The following ATP9B variants were observed in gnomAD, a reference collection of about 807,000 sequenced individuals.
The protein encoded by ATP9B is ATPase phospholipid transporting 9B.
In ATP9B, 110 loss-of-function variants were observed where a neutral mutation model predicts 146.1. The observed-to-expected ratio is 0.75, with a 90% CI of 0.65 to 0.88. The LOEUF is 0.88. Among genes scored for constraint, ATP9B ranks in the 40% least tolerant of loss-of-function variants. The pLI is 0.00. For missense variants in ATP9B, 1,499 were observed against 1,496.4 expected, an observed-to-expected ratio of 1.00 and a Z score of -0.03; for synonymous variants, 604 against 569.7, an observed-to-expected ratio of 1.06 and a Z score of -0.86.
intron 11 of ATP9B, among the ~76,000 whole-genome samples, chr18:79,227,582 C>T (rs1488459945): frequency 6.6e-6 from 1 of 152,180 alleles, no homozygotes. Context: ...CACATTGTAA[C>T]TCCTTCCCTG....
At chr18:79,116,958 A>T (rs1244221782) in intron 4 of ATP9B, among the ~76,000 whole-genome samples, 32 of 90,680 alleles carry the variant, frequency 3.5e-4, no homozygotes, top group South Asian at 1.6e-3. Flanking sequence ...AAAAAAAAAG[A>T]AATAATGATT....
At chr18:79,228,994 A>G (rs565867395) in intron 11 of ATP9B, among the ~76,000 whole-genome samples, 44 of 152,274 alleles carry the variant, frequency 2.9e-4, no homozygotes, top group African/African-American at 1.1e-3. Context: ...TTGTGCCACT[A>G]CACTCCAGCC....
intron 12 of ATP9B, among the ~76,000 whole-genome samples, chr18:79,261,297 C>G (rs2096138781): frequency 6.6e-6 from 1 of 152,006 alleles, no homozygotes. Context: ...GTGAGTGGGA[C>G]CTTACTTGAG....
chr18:79,347,391 T>C (rs2096895684), intron 23 of ATP9B, among the ~76,000 whole-genome samples: 1 of 152,156 alleles, frequency 6.6e-6, no homozygotes, highest in Admixed American at 6.5e-5. Flanking sequence ...ATTATAGGGG[T>C]GTCCTCCCAC....
intron 1 of ATP9B, among the ~76,000 whole-genome samples, chr18:79,084,047 C>T (rs1192326743): frequency 1.3e-5 from 2 of 151,800 alleles, no homozygotes; most frequent in African/African-American, 4.8e-5. Flanking sequence ...TTAGTAGAGA[C>T]AGGGTTTCAC....
intron 7 of ATP9B, among the ~76,000 whole-genome samples, chr18:79,160,112 T>G (rs1376060919): frequency 1.3e-5 from 2 of 152,240 alleles, no homozygotes; most frequent in Non-Finnish European, 2.9e-5. Context: ...CATTACTGCC[T>G]TCTTTTGTTT....
chr18:79,239,769 T>C lies in ATP9B; in HGVS notation c.1108-13612T>C, dbSNP rs148552574. Among the ~76,000 whole-genome samples, 366 of 152,352 alleles carry C rather than the reference T, an allele frequency of 2.4e-3. 2 individuals carry two copies. Among genetic ancestry groups the C allele is most frequent in the South Asian group, 6.4e-3 (31 of 4,826 alleles). ...GGAGTAATGTGTTTTCTCACCTTGC[T>C]GTTTTCTCGAGAGCATTGTTTTGTG... On this transcript the variant is annotated intron_variant, in intron 11 of 29. Coordinates refer to ENST00000426216, the MANE Select transcript of ATP9B (RefSeq NM_198531.5). The surrounding 1 kb of genome is among the most constrained non-coding windows in gnomAD (Gnocchi z 5.1).
intron 9 of ATP9B, chr18:79,194,247 G>A (rs2095396810): frequency 6.6e-6 from 1 of 152,018 alleles, no homozygotes. Context: ...GAGAATAAAT[G>A]TTACAAAAAG....
chr18:79,079,888 A>G (rs1356607886), intron 1 of ATP9B, among the ~76,000 whole-genome samples: 3 of 152,174 alleles, frequency 2.0e-5, no homozygotes, highest in Admixed American at 6.5e-5. Flanking sequence ...TCCCAACACC[A>G]TTTATTAAAT....
intron 4 of ATP9B, among the ~76,000 whole-genome samples, chr18:79,123,361 T>C (rs1599721557): frequency 6.6e-6 from 1 of 152,150 alleles, no homozygotes; most frequent in African/African-American, 2.4e-5. Context: ...AGCATGAAAT[T>C]ACATAATGAA....
Position 79,343,860 on chromosome 18 carries a change from G to A in ATP9B, c.2383-405G>A, listed in dbSNP as rs111548076. The A allele has an allele frequency of 7.0e-3, 1,871 of 268,624 alleles. 10 individuals are homozygous for A. Among genetic ancestry groups the A allele is most frequent in the African/African-American group, 0.023 (993 of 42,890 alleles). The allele number at this position is 268,624 out of a possible 1,614,324, so 16.6% of individuals were successfully genotyped here. A position where few individuals can be genotyped will look rare whatever the true frequency, so the allele number is the denominator to read the frequency against. On this transcript the variant is annotated intron_variant, in intron 20 of 29. Coordinates refer to ENST00000426216, the MANE Select transcript of ATP9B (RefSeq NM_198531.5). ...GCTCTGTTAAATAATCACCTCGTGG[G>A]AATTACAAGAAAATTCTTAATCATT...
chr18:79,322,292 T>G (rs1027533017), intron 15 of ATP9B, among the ~76,000 whole-genome samples: 1 of 152,228 alleles, frequency 6.6e-6, no homozygotes, highest in Admixed American at 6.5e-5. Context: ...TCCAGAGTTG[T>G]AGCGTCCATA....
intron 11 of ATP9B, among the ~76,000 whole-genome samples, chr18:79,221,529 T>C (rs1020747437): frequency 3.9e-5 from 6 of 152,244 alleles, no homozygotes; most frequent in Non-Finnish European, 5.9e-5. Flanking sequence ...GAGGCCAGCC[T>C]GGGCAACATG....
intron 11 of ATP9B, among the ~76,000 whole-genome samples, chr18:79,251,159 A>G (rs1297765639): frequency 1.3e-5 from 2 of 152,356 alleles, no homozygotes; most frequent in East Asian, 3.9e-4. Flanking sequence ...AGTCTTACAC[A>G]GTGAAGTGGC....
intron 13 of ATP9B, among the ~76,000 whole-genome samples, chr18:79,293,302 C>G (rs1301951844): frequency 1.3e-5 from 2 of 151,854 alleles, no homozygotes; most frequent in Admixed American, 1.3e-4. Context: ...AATGTTTGCC[C>G]CCTCAAAAAC....
intron 1 of ATP9B, among the ~76,000 whole-genome samples, chr18:79,077,299 A>G (rs895710398): frequency 6.6e-6 from 1 of 152,140 alleles, no homozygotes; most frequent in East Asian, 1.9e-4. Context: ...TACTGCCAGA[A>G]GGGGCTGAAG....
At chr18:79,104,943 A>G (rs139944596) in intron 2 of ATP9B, among the ~76,000 whole-genome samples, 13 of 152,094 alleles carry the variant, frequency 8.5e-5, no homozygotes, top group African/African-American at 2.4e-4. Context: ...GGGTCTTTCT[A>G]TGTTGTCTAG....
chr18:79,290,976 C>T (rs2096497343), intron 13 of ATP9B, among the ~76,000 whole-genome samples: 1 of 152,134 alleles, frequency 6.6e-6, no homozygotes, highest in Non-Finnish European at 1.5e-5. Flanking sequence ...GGCCAATTCA[C>T]AATTCAGGAA....
rs1407152926 is a variant in ATP9B at position 79,113,286 on chromosome 18, G to A, written c.490G>A (p.Val164Ile). 1.9e-6 allele frequency: 3 copies of A among 1,601,084 alleles called. No individual in the cohort carries two copies. The highest frequency in any genetic ancestry group is 1.7e-5 in the Admixed American group (1 of 59,694). The stretch of plus-strand genomic sequence containing the variant: ...GTTTTTCTTGAATCTCTATTTTCTA[G>A]TAATATCCTGCTCACAGTTTGTACC... Reference protein sequence around the residue: ...FKFFLNLYFLVISCSQFVPAL... With the variant: ...FKFFLNLYFLIISCSQFVPAL... The change falls in exon 4 of 30, where the codon GTA (valine) becomes ATA (isoleucine). Residue 164 changes from valine (V) to isoleucine (I), a missense_variant. Transcript: ENST00000426216.
Sources: allele counts gnomAD v4.1 joint callset (sites outside exome capture counted in the v4.1 genomes callset), GRCh38; gene constraint gnomAD v4.1.1; non-coding constraint Gnocchi (gnomAD v3.1); transcripts MANE v1.5; gene names NCBI Gene and HGNC (gene_info 2026-07-23, HGNC 2026-07-21).